SLFN5: variants seen among roughly 807,000 people sequenced by gnomAD.
SLFN5 encodes the protein schlafen family member 5.
Under a neutral mutation model 48.5 loss-of-function variants are expected in SLFN5, and 34 were observed. The observed-to-expected ratio is 0.70, with a 90% confidence interval of 0.53 to 0.93. SLFN5 has a LOEUF of 0.93. Among genes scored for constraint, SLFN5 ranks in the 40% least tolerant of loss-of-function variants. The pLI is 0.00. For missense variants in SLFN5, 1,006 were observed against 1,071.3 expected, an observed-to-expected ratio of 0.94 and a Z score of 0.85; for synonymous variants, 387 against 396.2, an observed-to-expected ratio of 0.98 and a Z score of 0.28.
chr17:35,247,153 CA>C (rs2092432660), intron 1 of SLFN5, among the ~76,000 whole-genome samples: 2 of 152,144 alleles, frequency 1.3e-5, no homozygotes, highest in Admixed American at 1.3e-4. Context: ...AATTTAGGAC[CA>C]GTCAGAGAAA....
chr17:35,256,006 A>C (rs1261585412), intron 1 of SLFN5, among the ~76,000 whole-genome samples: 5 of 152,256 alleles, frequency 3.3e-5, no homozygotes, highest in African/African-American at 4.8e-5. Context: ...GAATCATAAT[A>C]GATGTATTCT....
intron 1 of SLFN5, among the ~76,000 whole-genome samples, chr17:35,245,557 A>T (rs1274294971): frequency 6.6e-6 from 1 of 152,206 alleles, no homozygotes; most frequent in Non-Finnish European, 1.5e-5. Flanking sequence ...TTCCAGTATT[A>T]TTGTTATGGC....
intron 3 of SLFN5, 32 bp downstream of exon 3, chr17:35,261,128 T>C (rs749155995): frequency 1.2e-6 from 2 of 1,603,448 alleles, no homozygotes; most frequent in East Asian, 2.2e-5. Context: ...CTTTGGAATA[T>C]GTTGATTGTT....
At chr17:35,250,068 T>A (rs2092438889) in intron 1 of SLFN5, among the ~76,000 whole-genome samples, 1 of 152,192 alleles carries the variant, frequency 6.6e-6, no homozygotes, top group Non-Finnish European at 1.5e-5. Flanking sequence ...AACACTCCTG[T>A]CCCGCCAGCA....
Position 35,263,843 on chromosome 17 carries a change from GA to G in SLFN5, c.1139-334del, listed in dbSNP as rs1439452755. 2.0e-5 allele frequency among the ~76,000 whole-genome samples: 3 copies of G among 147,848 alleles called. No individual in the cohort carries two copies. The East Asian group carries it at 6.0e-4, about 30-fold the overall frequency. ...AAAAAAAAAGAAGAAGAAAGAAAAAGAAAAAAGAAAAAAAAGAATCAGCTCA... is the reference window on the plus strand; with the variant it reads ...AAAAAAAAAGAAGAAGAAAGAAAAAGAAAAAGAAAAAAAAGAATCAGCTCA... On this transcript the variant is annotated intron_variant, in intron 3 of 4. Coordinates refer to ENST00000299977, the MANE Select transcript of SLFN5 (RefSeq NM_144975.4).
At chr17:35,257,792 G>T (rs901604872) in intron 1 of SLFN5, among the ~76,000 whole-genome samples, 1 of 152,100 alleles carries the variant, frequency 6.6e-6, no homozygotes, top group African/African-American at 2.4e-5. Context: ...TAGCAACAAT[G>T]ACAGGTTGCC....
chr17:35,264,963 C>T lies in SLFN5; in HGVS notation c.1859+60C>T, dbSNP rs1421135939. 2.6e-6 allele frequency: 4 copies of T among 1,535,084 alleles called. No homozygotes were observed. The African/African-American group carries it at 5.5e-5, about 21-fold the overall frequency. On this transcript the variant is annotated intron_variant, in intron 4 of 4. Coordinates refer to ENST00000299977, the MANE Select transcript of SLFN5 (RefSeq NM_144975.4). ...GAGTGACTGTGGCTGGTGTGGCTTT[C>T]AGTTTACTTGCTAAAATTCATATTG... is the stretch of plus-strand genomic sequence containing the variant.
At chr17:35,263,151 G>A (rs1904570107) in intron 3 of SLFN5, among the ~76,000 whole-genome samples, 1 of 151,786 alleles carries the variant, frequency 6.6e-6, no homozygotes, top group South Asian at 2.1e-4. Context: ...TTTTTTTTGA[G>A]ACAGGATCTC....
rs1455417178 is a variant in SLFN5, at chr17:35,267,384, T to A, written c.*1496T>A. On this transcript the variant is annotated 3_prime_UTR_variant, in exon 5 of 5. Coordinates refer to ENST00000299977, the MANE Select transcript of SLFN5 (RefSeq NM_144975.4). The stretch of plus-strand genomic sequence containing the variant: ...TTACACTATAAACATCTAATAGATA[T>A]GTATGAAAATTTAAAAACTAGAAAA... 1 of 152,038 alleles carries A rather than the reference T, an allele frequency of 6.6e-6. No individual in the cohort carries two copies. 9.4% of individuals were successfully genotyped at this position (152,038 alleles called of 1,614,324 possible).
intron 1 of SLFN5, among the ~76,000 whole-genome samples, chr17:35,254,534 A>G (rs1245225577): frequency 6.6e-6 from 1 of 152,054 alleles, no homozygotes; most frequent in Non-Finnish European, 1.5e-5. Flanking sequence ...CACAGTGCCA[A>G]CTCTTACGAC....
At chr17:35,256,356 T>C (rs1400907456) in intron 1 of SLFN5, among the ~76,000 whole-genome samples, 1 of 152,186 alleles carries the variant, frequency 6.6e-6, no homozygotes, top group Non-Finnish European at 1.5e-5. Context: ...GTAGACTCCA[T>C]CTCAAAAAAC....
chr17:35,269,240 C>G lies in SLFN5; in HGVS notation c.*3352C>G, dbSNP rs144147177. ...ATAAAAGAGTTCTAGAAATACAGGA[C>G]CCATGAATCATTCTTGAAGAAAAGT... is the stretch of plus-strand genomic sequence containing the variant. On this transcript the variant is annotated 3_prime_UTR_variant, in exon 5 of 5. Coordinates refer to ENST00000299977, the MANE Select transcript of SLFN5 (RefSeq NM_144975.4). The G allele has an allele frequency of 2.0e-5, 3 of 152,014 alleles. No homozygotes were observed. The highest frequency in any genetic ancestry group is 4.4e-5 in the Non-Finnish European group (3 of 67,990). 9.4% of individuals were successfully genotyped at this position (152,014 alleles called of 1,614,324 possible).
chr17:35,263,998 T>G (rs1000833815), intron 3 of SLFN5, among the ~76,000 whole-genome samples, 185 bp from the exon 4 acceptor site: 1 of 152,196 alleles, frequency 6.6e-6, no homozygotes, highest in Non-Finnish European at 1.5e-5. Flanking sequence ...TAATTATTAT[T>G]GTCTGTTTAT....
chr17:35,251,640 G>C (rs904311573), intron 1 of SLFN5, among the ~76,000 whole-genome samples: 1 of 149,260 alleles, frequency 6.7e-6, no homozygotes, highest in African/African-American at 2.5e-5. Context: ...CTCTGACCTC[G>C]TGATCTGCCA....
chr17:35,270,979 T>C lies in SLFN5; in HGVS notation c.*5091T>C, dbSNP rs1399755410. 1 of 152,172 alleles carries C rather than the reference T, an allele frequency of 6.6e-6. No individual in the cohort carries two copies. Among genetic ancestry groups the C allele is most frequent in the African/African-American group, 2.4e-5 (1 of 41,418 alleles). 9.4% of individuals were successfully genotyped at this position (152,172 alleles called of 1,614,324 possible). On this transcript the variant is annotated 3_prime_UTR_variant, in exon 5 of 5. Coordinates refer to ENST00000299977, the MANE Select transcript of SLFN5 (RefSeq NM_144975.4). Reference sequence around the variant, plus strand: ...AACATCAAAGATTCTTTTTTAATCCTAAAAGAAAAAGTTTGGAAAATCTAC... The same window carrying C: ...AACATCAAAGATTCTTTTTTAATCCCAAAAGAAAAAGTTTGGAAAATCTAC...
Position 35,270,697 on chromosome 17 carries a change from G to A in SLFN5, c.*4809G>A, listed in dbSNP as rs1342485445. 3.9e-5 allele frequency: 6 copies of A among 152,236 alleles called. No individual in the cohort carries two copies. Among genetic ancestry groups the A allele is most frequent in the Admixed American group, 3.9e-4 (6 of 15,278 alleles). 9.4% of individuals were successfully genotyped at this position (152,236 alleles called of 1,614,324 possible). ...TGGGCTGGACAACCATTTATTGTGA[G>A]AGGCTTCTCTATGCACTGTAGGATG... On this transcript the variant is annotated 3_prime_UTR_variant, in exon 5 of 5. Transcript: ENST00000299977.
chr17:35,260,963 T>C lies in SLFN5; in HGVS notation c.1013-8T>C. 1.2e-6 allele frequency: 2 copies of C among 1,612,784 alleles called. No homozygotes were observed. The highest frequency in any genetic ancestry group is 1.1e-5 in the South Asian group (1 of 90,908). On this transcript the variant is annotated splice_polypyrimidine_tract_variant and splice_region_variant and intron_variant, in intron 2 of 4. Coordinates refer to ENST00000299977, the MANE Select transcript of SLFN5 (RefSeq NM_144975.4). ...TGCATATTGAATCCTTGGTTCTTGT[T>C]TCCTAAGACCTTTCCAGGTGTCCTG...
chr17:35,246,158 G>T (rs765775021), intron 1 of SLFN5, among the ~76,000 whole-genome samples: 1 of 152,080 alleles, frequency 6.6e-6, no homozygotes, highest in South Asian at 2.1e-4. Context: ...GTCTATTCAA[G>T]TATTTTATTC....
chr17:35,259,547 A>T lies in SLFN5; in HGVS notation c.857A>T (p.Lys286Met), dbSNP rs775642845. ...CTTAACTTCCTTGAAGTGCATGATA[A>T]GGGGGCCCTCCGTGGATATGTCTGT... Reference protein sequence around the residue: ...YVLNFLEVHDKGALRGYVCAI... With the variant: ...YVLNFLEVHDMGALRGYVCAI... Residue 286 changes from lysine to methionine, a missense_variant, in exon 2 of 5, where the codon AAG (lysine) becomes ATG (methionine). Transcript: ENST00000299977. 3.7e-6 allele frequency: 6 copies of T among 1,614,106 alleles called. No homozygotes were observed. The South Asian group carries it at 6.6e-5, about 18-fold the overall frequency.
Sources: gnomAD v4.1 joint callset for allele counts (sites outside exome capture counted in the v4.1 genomes callset) on GRCh38, gnomAD v4.1.1 for gene constraint, MANE v1.5 for transcripts, NCBI Gene and HGNC (gene_info 2026-07-23, HGNC 2026-07-21) for gene names.